TLR6: variants seen among roughly 807,000 people sequenced by gnomAD.
The protein encoded by TLR6 is toll like receptor 6, also known as toll-like receptor 6.
TLR6 carries 9 observed loss-of-function variants against 16.1 expected under a neutral mutation model. The observed-to-expected ratio is 0.56, with a 90% CI of 0.34 to 0.98. The LOEUF is 0.98. Ranked by LOEUF, TLR6 falls within the 50% of genes least tolerant of loss-of-function variation. The pLI, the probability that TLR6 is intolerant of heterozygous loss-of-function variation, is 0.02. For missense variants in TLR6, 786 were observed against 921.0 expected, an observed-to-expected ratio of 0.85 and a Z score of 1.90; for synonymous variants, 340 against 338.6, an observed-to-expected ratio of 1.00 and a Z score of -0.04.
intron 1 of TLR6, among the ~76,000 whole-genome samples, chr4:38,837,598 CA>C (rs1410952061): frequency 6.6e-6 from 1 of 152,084 alleles, no homozygotes; most frequent in African/African-American, 2.4e-5. Context: ...AAAATCAATT[CA>C]AAATGGATTA....
chr4:38,858,613 G>A (rs1000470988), upstream of TLR6, among the ~76,000 whole-genome samples: 2 of 151,834 alleles, frequency 1.3e-5, no homozygotes, highest in Admixed American at 6.6e-5. Flanking sequence ...CCAGCTACTC[G>A]GGAGGCTGAA....
chr4:38,857,699 T>G (rs980426094), upstream of TLR6, among the ~76,000 whole-genome samples: 1 of 152,090 alleles, frequency 6.6e-6, no homozygotes, highest in Non-Finnish European at 1.5e-5. Flanking sequence ...ATTTGGCTAA[T>G]GACAAAGTTG....
chr4:38,860,870 C>T (rs1189819067), upstream of TLR6, among the ~76,000 whole-genome samples: 1 of 152,088 alleles, frequency 6.6e-6, no homozygotes, highest in Non-Finnish European at 1.5e-5. Context: ...CATGAAGAAA[C>T]AGGAGCTCAC....
At chr4:38,856,227 T>C (rs1712980624) in intron 1 of TLR6, among the ~76,000 whole-genome samples, 1 of 152,208 alleles carries the variant, frequency 6.6e-6, no homozygotes, top group Non-Finnish European at 1.5e-5. Context: ...AGTGCCATGC[T>C]ACGCACTAGG....
chr4:38,858,829 GAGGAAGAAAGAA>G (rs1560274651), upstream of TLR6, among the ~76,000 whole-genome samples: 5 of 71,744 alleles, frequency 7.0e-5, no homozygotes, highest in Admixed American at 1.6e-4. Flanking sequence ...GAGAGAGAGA[GAGGAAGAAAGAA>G]AGAAAGAAAG....
chr4:38,850,401 G>A (rs1029983426), intron 1 of TLR6, among the ~76,000 whole-genome samples: 7 of 152,134 alleles, frequency 4.6e-5, no homozygotes, highest in Non-Finnish European at 7.3e-5. Flanking sequence ...GAAGGAGATA[G>A]AGACACAAAA....
At chr4:38,864,924 T>A in the TLR6 span, among the ~76,000 whole-genome samples, 4 of 152,296 alleles carry the variant, frequency 2.6e-5, no homozygotes, top group Admixed American at 1.3e-4. Flanking sequence ...GCAGGAGGAT[T>A]GCTGGAGCCC....
Position 38,827,405 on chromosome 4 carries a change from T to G in TLR6, c.2069A>C (p.Asn690Thr), listed in dbSNP as rs114855575. The G allele has an allele frequency of 4.8e-4, 773 of 1,614,150 alleles. 3 individuals are homozygous for G. In the African/African-American group the frequency reaches 8.6e-3, roughly 18 times the overall value. The change falls in exon 2 of 2, where the codon AAC (asparagine) becomes ACC (threonine). Residue 690 changes from asparagine to threonine, a missense_variant. Transcript: ENST00000436693. ...GGACTTGTAACTCTTCTCAATGCAG[T>G]TGATGATATTTTCCACAATGCTCTT...
Position 38,839,709 on chromosome 4 carries a change from C to G in TLR6, c.-64-10172G>C, listed in dbSNP as rs114191109. 6.2e-3 allele frequency among the ~76,000 whole-genome samples: 949 copies of G among 152,330 alleles called. 13 individuals carry two copies. Among genetic ancestry groups the G allele is most frequent in the African/African-American group, 0.021 (879 of 41,566 alleles). ...AAACCTGAAACATGTAGAAAGTCAG[C>G]TGTGTACCAGCCAACATTACTTATT... is the stretch of plus-strand genomic sequence containing the variant. On this transcript the variant is annotated intron_variant, in intron 1 of 1. Coordinates refer to ENST00000436693, the Ensembl canonical transcript of TLR6.
chr4:38,850,444 G>C (rs1209046735), intron 1 of TLR6, among the ~76,000 whole-genome samples: 1 of 152,086 alleles, frequency 6.6e-6, no homozygotes, highest in Non-Finnish European at 1.5e-5. Context: ...TCCAGGAGGT[G>C]GGTTTTTGAA....
At chr4:38,834,606 A>C (rs1317755561) in intron 1 of TLR6, among the ~76,000 whole-genome samples, 1 of 152,208 alleles carries the variant, frequency 6.6e-6, no homozygotes, top group Non-Finnish European at 1.5e-5. Flanking sequence ...TCAAACTCTC[A>C]AAAGTTGAAG....
intron 1 of TLR6, among the ~76,000 whole-genome samples, chr4:38,830,786 T>C (rs1386778049): frequency 6.6e-6 from 1 of 152,166 alleles, no homozygotes; most frequent in African/African-American, 2.4e-5. Context: ...AGTTACCTCA[T>C]TGTAGTGTTT....
chr4:38,863,520 A>G, the TLR6 span, among the ~76,000 whole-genome samples: 4 of 152,254 alleles, frequency 2.6e-5, no homozygotes, highest in Non-Finnish European at 5.9e-5. Context: ...TACTACCTCT[A>G]ACTCCAAACC....
upstream of TLR6, among the ~76,000 whole-genome samples, chr4:38,860,068 C>T (rs1713162509): frequency 6.6e-6 from 1 of 151,594 alleles, no homozygotes; most frequent in African/African-American, 2.4e-5. Context: ...TGTTGTCTTT[C>T]TCCAGATAAT....
chr4:38,860,955 G>T (rs1198644275), upstream of TLR6, among the ~76,000 whole-genome samples: 2 of 152,106 alleles, frequency 1.3e-5, no homozygotes, highest in Non-Finnish European at 2.9e-5. Context: ...AGCTCTTCAG[G>T]TGAGTCCATT....
At chr4:38,823,397 A>G (rs576649263), downstream of TLR6, among the ~76,000 whole-genome samples, 2 of 152,338 alleles carry the variant, frequency 1.3e-5, no homozygotes, top group South Asian at 4.1e-4. Flanking sequence ...ATGTTCAACC[A>G]AAGTCAAAAT....
intron 1 of TLR6, among the ~76,000 whole-genome samples, chr4:38,839,501 G>T (rs111641056): frequency 2.0e-5 from 3 of 152,206 alleles, no homozygotes; most frequent in African/African-American, 7.2e-5. Context: ...AAAAAAGCAG[G>T]CAAGAAGCCA....
intron 1 of TLR6, among the ~76,000 whole-genome samples, chr4:38,847,582 C>T (rs1712583033): frequency 6.6e-6 from 1 of 152,178 alleles, no homozygotes; most frequent in African/African-American, 2.4e-5. Context: ...GTCACTCCCA[C>T]CCTAATACCG....
intron 1 of TLR6, among the ~76,000 whole-genome samples, chr4:38,848,024 G>A (rs1712605563): frequency 6.6e-6 from 1 of 152,224 alleles, no homozygotes; most frequent in South Asian, 2.1e-4. Flanking sequence ...CTAACTGGGA[G>A]GCACCCCCCA....
Sources: gnomAD v4.1 joint callset for allele counts (sites outside exome capture counted in the v4.1 genomes callset) on GRCh38, gnomAD v4.1.1 for gene constraint, MANE v1.5 for transcripts, NCBI Gene and HGNC (gene_info 2026-07-23, HGNC 2026-07-21) for gene names.